UGGT2: variants seen among roughly 807,000 people sequenced by gnomAD.
UGGT2 encodes UDP-glucose glycoprotein glucosyltransferase 2, also known as UDP-glucose:glycoprotein glucosyltransferase 2.
In UGGT2, 180 loss-of-function variants were observed where a neutral mutation model predicts 192.1. That is an observed-to-expected ratio of 0.94 (90% CI 0.83 to 1.06). The LOEUF (loss-of-function observed/expected upper bound fraction) is 1.06. Among genes scored for constraint, UGGT2 ranks in the 50% least tolerant of loss-of-function variants. UGGT2 has a pLI of 0.00. For synonymous variants in UGGT2, 580 were observed against 591.0 expected (o/e 0.98, Z 0.27); for missense variants, 1,849 against 1,795.7 (o/e 1.03, Z -0.54).
At chr13:95,848,261 CTT>C (rs1888677446) in intron 36 of UGGT2, among the ~76,000 whole-genome samples, 2 of 152,156 alleles carry the variant, frequency 1.3e-5, no homozygotes, top group Admixed American at 1.3e-4. Context: ...TTTTCTTTCT[CTT>C]GTTATTGTCT....
At chr13:95,903,450 C>A (rs2048171706) in intron 20 of UGGT2, among the ~76,000 whole-genome samples, 1 of 152,170 alleles carries the variant, frequency 6.6e-6, no homozygotes, top group Non-Finnish European at 1.5e-5. Flanking sequence ...TTACCACACC[C>A]TCCCACTTTT....
intron 10 of UGGT2, among the ~76,000 whole-genome samples, chr13:95,977,991 ATG>A (rs1005357135): frequency 3.5e-4 from 54 of 152,244 alleles, no homozygotes; most frequent in African/African-American, 1.3e-3. Flanking sequence ...GAGATGAACA[ATG>A]AGAACACATG....
intron 29 of UGGT2, 51 bp from the exon 30 acceptor site, chr13:95,867,474 TATG>T: frequency 7.0e-7 from 1 of 1,420,600 alleles, no homozygotes; most frequent in Non-Finnish European, 9.8e-7. Context: ...GACATACAAT[TATG>T]ATGGCATAAC....
chr13:95,957,794 ACTCT>A (rs950245231), intron 12 of UGGT2, among the ~76,000 whole-genome samples: 2 of 152,140 alleles, frequency 1.3e-5, no homozygotes, highest in Non-Finnish European at 2.9e-5. Context: ...TTTCTGTGTG[ACTCT>A]CTCTCAGCAT....
intron 29 of UGGT2, among the ~76,000 whole-genome samples, chr13:95,869,093 TTC>T (rs773455453): frequency 1.4e-5 from 2 of 144,598 alleles, no homozygotes; most frequent in Non-Finnish European, 3.0e-5. Flanking sequence ...TGTCCATGTG[TTC>T]TCATTGTTCA....
chr13:95,843,702 C>T (rs1185182514), intron 36 of UGGT2, among the ~76,000 whole-genome samples: 5 of 151,678 alleles, frequency 3.3e-5, no homozygotes, highest in Admixed American at 6.6e-5. Flanking sequence ...TCTAATTGTT[C>T]CAGCACTGTT....
At chr13:95,927,709 G>C (rs921167168) in intron 17 of UGGT2, among the ~76,000 whole-genome samples, 1 of 151,630 alleles carries the variant, frequency 6.6e-6, no homozygotes, top group Non-Finnish European at 1.5e-5. Flanking sequence ...GGTGTTTCTC[G>C]GAGAGGGGGA....
intron 1 of UGGT2, among the ~76,000 whole-genome samples, chr13:96,040,372 G>T (rs2053130101): frequency 6.6e-6 from 1 of 152,012 alleles, no homozygotes; most frequent in Non-Finnish European, 1.5e-5. Context: ...AACTTCACAT[G>T]GCCTTCTCCT....
At chr13:95,822,185 C>T (rs1241664161) in intron 38 of UGGT2, among the ~76,000 whole-genome samples, 6 of 151,870 alleles carry the variant, frequency 4.0e-5, no homozygotes, top group African/African-American at 1.4e-4. Flanking sequence ...TGATTATTTC[C>T]ACAGCATGTG....
At chr13:95,849,394 T>A (rs1888791887) in intron 36 of UGGT2, among the ~76,000 whole-genome samples, 1 of 151,636 alleles carries the variant, frequency 6.6e-6, no homozygotes, top group Admixed American at 6.6e-5. Context: ...ATACAAAAAA[T>A]TAGCTGGGCG....
chr13:95,969,714 G>C (rs2050706666), intron 12 of UGGT2, among the ~76,000 whole-genome samples: 2 of 152,180 alleles, frequency 1.3e-5, no homozygotes, highest in South Asian at 4.1e-4. Context: ...AATCACTTGG[G>C]CTGTAATACA....
intron 29 of UGGT2, among the ~76,000 whole-genome samples, chr13:95,868,698 A>ACACTACTTAAGGG: frequency 6.6e-6 from 1 of 152,286 alleles, no homozygotes; most frequent in East Asian, 1.9e-4. Flanking sequence ...TAGTCACAAA[A>ACACTACTTAAGGG]CACTACTTAA....
At chr13:96,034,570 C>A (rs1170353824) in intron 1 of UGGT2, among the ~76,000 whole-genome samples, 4 of 152,230 alleles carry the variant, frequency 2.6e-5, no homozygotes, top group Non-Finnish European at 5.9e-5. Context: ...GAGAGAAGAG[C>A]TGCAGCCCTT....
intron 32 of UGGT2, among the ~76,000 whole-genome samples, chr13:95,860,466 T>C (rs1890054864): frequency 6.7e-6 from 1 of 150,272 alleles, no homozygotes; most frequent in Admixed American, 6.6e-5. Flanking sequence ...CATATTTATA[T>C]ATACTTACCT....
chr13:95,989,874 G>A, intron 8 of UGGT2, 99 bp downstream of exon 8: 1 of 721,324 alleles, frequency 1.4e-6, no homozygotes, highest in Non-Finnish European at 2.2e-6. Flanking sequence ...CATTAATACT[G>A]TCCATAAAAT....
At chr13:95,917,732 G>A (rs1340342085) in intron 20 of UGGT2, among the ~76,000 whole-genome samples, 1 of 151,966 alleles carries the variant, frequency 6.6e-6, no homozygotes, top group African/African-American at 2.4e-5. Context: ...ACAAGCAAAT[G>A]GATAACAGAA....
intron 25 of UGGT2, among the ~76,000 whole-genome samples, chr13:95,889,432 A>C (rs1199157741): frequency 1.3e-5 from 2 of 151,972 alleles, no homozygotes; most frequent in Non-Finnish European, 1.5e-5. Context: ...ACTAAATTCT[A>C]AAAAAAATTG....
chr13:96,034,394 A>G (rs1245750508), intron 1 of UGGT2, among the ~76,000 whole-genome samples: 2 of 152,224 alleles, frequency 1.3e-5, no homozygotes, highest in Non-Finnish European at 2.9e-5. Flanking sequence ...CTGTCTCTCA[A>G]TAAAGCACCT....
intron 15 of UGGT2, among the ~76,000 whole-genome samples, chr13:95,945,346 G>A (rs2049828873): frequency 6.6e-6 from 1 of 151,988 alleles, no homozygotes; most frequent in South Asian, 2.1e-4. Context: ...TAAAAACTAT[G>A]CCTTGTTCAA....
Sources: allele counts gnomAD v4.1 joint callset (sites outside exome capture counted in the v4.1 genomes callset), GRCh38; gene constraint gnomAD v4.1.1; transcripts MANE v1.5; gene names NCBI Gene and HGNC (gene_info 2026-07-23, HGNC 2026-07-21).